Variants in TMEM117 observed in about 807,000 individuals in gnomAD.
The protein encoded by TMEM117 is transmembrane protein 117.
TMEM117 carries 27 observed loss-of-function variants against 52.4 expected under a neutral mutation model. The observed-to-expected ratio is 0.51, with a 90% CI of 0.38 to 0.71. The LOEUF (loss-of-function observed/expected upper bound fraction) is 0.71. TMEM117 is among the 30% of genes least tolerant of loss of function. The pLI is 0.00. For missense variants in TMEM117, 556 were observed against 630.5 expected (o/e 0.88, Z 1.26); for synonymous variants, 215 against 206.3 (o/e 1.04, Z -0.36).
intron 3 of TMEM117, among the ~76,000 whole-genome samples, chr12:44,042,136 T>C (rs190012489): frequency 4.4e-4 from 67 of 152,354 alleles, no homozygotes; most frequent in African/African-American, 1.4e-3. Context: ...GATGTACAAC[T>C]TCAGCAAAGT....
At chr12:44,185,869 TACACACACACACACACACACAC>T (rs3065433) in intron 4 of TMEM117, among the ~76,000 whole-genome samples, 1 of 135,024 alleles carries the variant, frequency 7.4e-6, no homozygotes, top group Non-Finnish European at 1.6e-5. Flanking sequence ...CTAAAAGACA[TACACACACACACACACACACAC>T]ACACACACAC....
intron 3 of TMEM117, among the ~76,000 whole-genome samples, chr12:44,002,011 C>T (rs1014200426): frequency 6.6e-6 from 1 of 152,068 alleles, no homozygotes. Flanking sequence ...GAGGACATGG[C>T]ACCACCTGTT....
At chr12:44,156,039 A>G (rs1948821038) in intron 4 of TMEM117, among the ~76,000 whole-genome samples, 1 of 152,108 alleles carries the variant, frequency 6.6e-6, no homozygotes, top group South Asian at 2.1e-4. Flanking sequence ...ATCATAGCTG[A>G]TAAGAACAAC....
chr12:44,087,703 G>A (rs551240414), intron 3 of TMEM117, among the ~76,000 whole-genome samples: 2 of 152,172 alleles, frequency 1.3e-5, no homozygotes, highest in South Asian at 4.2e-4. Flanking sequence ...GGGCTCAAGT[G>A]ATCCACCCTC....
At chr12:43,820,104 TTTTTGTTTTTG>T in the TMEM117 span, among the ~76,000 whole-genome samples, 5 of 133,510 alleles carry the variant, frequency 3.7e-5, no homozygotes, top group South Asian at 7.3e-4. Context: ...GGTGTATTTT[TTTTTGTTTTTG>T]TTTTTGTTTT....
At chr12:44,340,016 T>G (rs1355812174) in intron 6 of TMEM117, among the ~76,000 whole-genome samples, 3 of 152,106 alleles carry the variant, frequency 2.0e-5, no homozygotes, top group Non-Finnish European at 2.9e-5. Context: ...TAAAATAGTT[T>G]TTGCATTAAA....
intron 3 of TMEM117, among the ~76,000 whole-genome samples, chr12:43,979,350 A>G (rs918929236): frequency 1.3e-5 from 2 of 152,150 alleles, no homozygotes; most frequent in East Asian, 3.9e-4. Context: ...CTAGTAAAAT[A>G]TCATCCATAA....
chr12:44,047,360 T>TTACTGCAGAGAGAATTTGAGTTTG (rs1946896226), intron 3 of TMEM117, among the ~76,000 whole-genome samples: 1 of 152,172 alleles, frequency 6.6e-6, no homozygotes, highest in East Asian at 1.9e-4. Context: ...TTAAAGTGCT[T>TTACTGCAGAGAGAATTTGAGTTTG]TACTGCAGAG....
At chr12:44,311,893 A>G (rs950934785) in intron 6 of TMEM117, among the ~76,000 whole-genome samples, 6 of 134,128 alleles carry the variant, frequency 4.5e-5, no homozygotes, top group Non-Finnish European at 9.1e-5. Context: ...ATGTATATAT[A>G]TGTGTATATA....
chr12:43,841,708 A>G (rs1943118499), intron 1 of TMEM117, among the ~76,000 whole-genome samples: 1 of 152,234 alleles, frequency 6.6e-6, no homozygotes, highest in Non-Finnish European at 1.5e-5. Context: ...GGCCGTCTGC[A>G]GGAAATGGTG....
intron 2 of TMEM117, among the ~76,000 whole-genome samples, chr12:43,894,023 G>T (rs1307512638): frequency 6.6e-6 from 1 of 152,170 alleles, no homozygotes; most frequent in Non-Finnish European, 1.5e-5. Flanking sequence ...GACCAAGATG[G>T]AAGCTGCCAT....
At chr12:44,263,368 G>A (rs982553276) in intron 5 of TMEM117, 12 of 152,164 alleles carry the variant, frequency 7.9e-5, no homozygotes, top group African/African-American at 2.7e-4. Flanking sequence ...TCTGGGGAGA[G>A]GATGTGGAGA....
At chr12:44,195,669 G>T (rs77396210) in intron 4 of TMEM117, among the ~76,000 whole-genome samples, 1 of 151,876 alleles carries the variant, frequency 6.6e-6, no homozygotes, top group East Asian at 1.9e-4. Context: ...AGGAAACAAA[G>T]CATTTTTAGG....
intron 4 of TMEM117, among the ~76,000 whole-genome samples, chr12:44,171,634 A>G (rs1949047843): frequency 6.6e-6 from 1 of 152,148 alleles, no homozygotes; most frequent in African/African-American, 2.4e-5. Flanking sequence ...ATAGTATTTA[A>G]TATCATAGTA....
chr12:44,170,964 C>G (rs1949036751), intron 4 of TMEM117, among the ~76,000 whole-genome samples: 1 of 151,750 alleles, frequency 6.6e-6, no homozygotes, highest in African/African-American at 2.4e-5. Flanking sequence ...TTTTTCTGTC[C>G]TGAGATCTGA....
chr12:44,374,446 C>T (rs1038985340), intron 6 of TMEM117, among the ~76,000 whole-genome samples: 2 of 152,060 alleles, frequency 1.3e-5, no homozygotes, highest in Non-Finnish European at 2.9e-5. Context: ...CTTCACACCC[C>T]CAGGCCCAAA....
At chr12:44,188,800 G>A (rs1949313048) in intron 4 of TMEM117, among the ~76,000 whole-genome samples, 1 of 151,618 alleles carries the variant, frequency 6.6e-6, no homozygotes, top group Admixed American at 6.6e-5. Flanking sequence ...AACATATTAT[G>A]GAACTTATTT....
chr12:43,806,024 G>C, the TMEM117 span: 17 of 1,521,454 alleles, frequency 1.1e-5, no homozygotes, highest in Admixed American at 2.4e-4. Context: ...CGGCAGCAGG[G>C]ACCGGGCTGG....
chr12:44,328,413 T>C (rs1951223868), intron 6 of TMEM117, among the ~76,000 whole-genome samples: 2 of 152,304 alleles, frequency 1.3e-5, no homozygotes, highest in Middle Eastern at 3.4e-3. Flanking sequence ...TTCTCAGTTC[T>C]GTGTAGGGGT....
Sources: gnomAD v4.1 joint callset for allele counts (sites outside exome capture counted in the v4.1 genomes callset) on GRCh38, gnomAD v4.1.1 for gene constraint, MANE v1.5 for transcripts, NCBI Gene and HGNC (gene_info 2026-07-23, HGNC 2026-07-21) for gene names.